The following TMC4 variants were observed in gnomAD, a reference collection of about 807,000 sequenced individuals.
TMC4 encodes voltage-gated chloride channel TMC4.
TMC4 carries 70 observed loss-of-function variants against 82.0 expected under a neutral mutation model. The ratio of observed to expected loss-of-function variants is 0.85; its 90% CI spans 0.70 to 1.04. The LOEUF (loss-of-function observed/expected upper bound fraction) is 1.04, where lower values mean the gene tolerates loss of function less well. Among genes scored for constraint, TMC4 ranks in the 50% least tolerant of loss-of-function variants. TMC4 has a pLI of 0.00. For synonymous variants in TMC4, 446 were observed against 406.0 expected (o/e 1.10, Z -1.18); for missense variants, 879 against 899.0 (o/e 0.98, Z 0.28).
intron 14 of TMC4, 35 bp from the exon 15 acceptor site, chr19:54,160,409 C>T (rs564275201): frequency 5.0e-5 from 79 of 1,585,612 alleles, no homozygotes; most frequent in Non-Finnish European, 6.7e-5. Context: ...AGACAATCCT[C>T]TTCCCCAACC....
At chr19:54,169,690 G>A in intron 2 of TMC4, 30 bp from the exon 3 acceptor site, 1 of 1,610,032 alleles carries the variant, frequency 6.2e-7, no homozygotes, top group East Asian at 2.2e-5. Context: ...AAAATGAGGG[G>A]TTTCGCAGCC....
rs1342607501 is a variant in TMC4, at chr19:54,172,192, C to G, written c.80-109G>C. On this transcript the variant is annotated intron_variant, in intron 1 of 14. Transcript: ENST00000619895. ...CCCCTCCTCCCTCAGACCCAGGAGT[C>G]CAGGCCCCCGGCTCCTCCTCCCTCA... 2.5e-5 allele frequency: 23 copies of G among 910,812 alleles called. No homozygotes were observed. In the African/African-American group the frequency reaches 3.5e-4, roughly 14 times the overall value. 56.4% of individuals were successfully genotyped at this position (910,812 alleles called of 1,614,324 possible).
At chr19:54,165,151 A>G (rs1600566241) in intron 6 of TMC4, among the ~76,000 whole-genome samples, 1 of 142,634 alleles carries the variant, frequency 7.0e-6, no homozygotes, top group African/African-American at 2.6e-5. Flanking sequence ...GAAGCGATCC[A>G]CCTGTCTCGG....
intron 1 of TMC4, 84 bp downstream of exon 1, chr19:54,172,955 C>T (rs1394188363): frequency 8.2e-6 from 10 of 1,222,948 alleles, no homozygotes; most frequent in South Asian, 1.4e-5. Flanking sequence ...ACTCAGGAGG[C>T]CAGGCCTCCC....
rs2075660861 is a variant in TMC4, at chr19:54,164,816, GC to G, written c.946-216del. On this transcript the variant is annotated intron_variant, in intron 6 of 14. Transcript: ENST00000619895. ...TTCGCGGCCGGATCCAGCAACCCAAGCCCCCATCCCTCCGCGGTCAATCTCA... is the reference window on the plus strand; with the variant it reads ...TTCGCGGCCGGATCCAGCAACCCAAGCCCCATCCCTCCGCGGTCAATCTCA... 2.1e-5 allele frequency: 13 copies of G among 623,968 alleles called. No homozygotes were observed. The East Asian group carries it at 3.7e-4, about 18-fold the overall frequency. The allele number at this position is 623,968 out of a possible 1,614,324, so 38.7% of individuals were successfully genotyped here.
chr19:54,161,127 T>C lies in TMC4; in HGVS notation c.1817+3A>G. 6.3e-7 allele frequency: 1 copy of C among 1,584,628 alleles called. No homozygotes were observed. The highest frequency in any genetic ancestry group is 8.6e-7 in the Non-Finnish European group (1 of 1,166,170). ...GAGAGAGGCGGGAGCCTCTCGCACTTACAGGAAGATGCTGTAAAGCAGGGG... is the reference window on the plus strand; with the variant it reads ...GAGAGAGGCGGGAGCCTCTCGCACTCACAGGAAGATGCTGTAAAGCAGGGG... On this transcript the variant is annotated splice_donor_region_variant and intron_variant, in intron 12 of 14. Coordinates refer to ENST00000619895, the MANE Select transcript of TMC4 (RefSeq NM_144686.4).
At chr19:54,172,427 G>C (rs7245906) in intron 1 of TMC4, among the ~76,000 whole-genome samples, 3,458 of 4,944 alleles carry the variant, frequency 0.7, 1,538 homozygotes, top group South Asian at 0.78. Flanking sequence ...GGCCCCCGGC[G>C]CCTCCTCCCT....
At position 54,168,559 on chromosome 19, in the gene TMC4, A is replaced by C; in HGVS notation, c.564T>G (p.Ala188=). 1 of 1,572,168 alleles carries C rather than the reference A, an allele frequency of 6.4e-7. No individual in the cohort carries two copies. The highest frequency in any genetic ancestry group is 8.6e-7 in the Non-Finnish European group (1 of 1,159,748). Reference sequence around the variant, plus strand: ...TGTCGGGGCCGGGAGGGCCTGGGGGAGCGCCTCCCAACCAGGTGGGCAGCA... The same window carrying C: ...TGTCGGGGCCGGGAGGGCCTGGGGGCGCGCCTCCCAACCAGGTGGGCAGCA... ...MTLLPTWLGG[A]PPGPPGPDIS... Residue 188 remains alanine, a synonymous_variant, in exon 4 of 15, where the codon GCT becomes GCG. Transcript: ENST00000619895.
intron 2 of TMC4, among the ~76,000 whole-genome samples, chr19:54,171,282 T>C (rs2075882575): frequency 1.3e-5 from 2 of 152,108 alleles, no homozygotes; most frequent in African/African-American, 2.4e-5. Flanking sequence ...CTAATGTTTG[T>C]ATTTTTAGTA....
At chr19:54,163,999 G>A in intron 7 of TMC4, 112 bp from the exon 8 acceptor site, 2 of 1,163,538 alleles carry the variant, frequency 1.7e-6, no homozygotes, top group Non-Finnish European at 2.3e-6. Flanking sequence ...TTTTGAGACA[G>A]AGTCTCGCTC....
At chr19:54,160,775 C>A (rs1233334251) in intron 13 of TMC4, 103 bp downstream of exon 13, 2 of 1,478,056 alleles carry the variant, frequency 1.4e-6, no homozygotes, top group African/African-American at 2.8e-5. Context: ...AGACTCAGTA[C>A]GTTGCCTGCT....
Position 54,163,086 on chromosome 19 carries a change from C to T in TMC4, c.1351G>A (p.Asp451Asn). Residue 451 changes from aspartate to asparagine, a missense_variant, in exon 9 of 15, where the codon GAC becomes AAC. Asp to Asn is a conservative substitution (Grantham distance 23, BLOSUM62 1). Transcript: ENST00000619895. ...GTTTTGCAGTCCTCAGCCTCGGAGT[C>T]GCCCCCACAAGTGATCTGATTCCAG... The part of the protein sequence containing the change: ...SLWNQITCGG[D>N]SEAEDCKTCG... The T allele has an allele frequency of 6.2e-7, 1 of 1,614,040 alleles. No homozygotes were observed. Among genetic ancestry groups the T allele is most frequent in the Non-Finnish European group, 8.5e-7 (1 of 1,180,018 alleles).
chr19:54,172,853 G>A, intron 1 of TMC4, 186 bp downstream of exon 1: 1 of 587,776 alleles, frequency 1.7e-6, no homozygotes, highest in East Asian at 3.0e-5. Context: ...TGGTTCTCCA[G>A]GCTCCTCCTC....
chr19:54,160,576 G>A (rs758384360), intron 13 of TMC4, 31 bp from the exon 14 acceptor site: 1 of 1,613,878 alleles, frequency 6.2e-7, no homozygotes, highest in South Asian at 1.1e-5. Flanking sequence ...AGCCACTCCT[G>A]ACACGCTCTT....
intron 3 of TMC4, among the ~76,000 whole-genome samples, chr19:54,169,181 G>C (rs1316752206): frequency 3.3e-5 from 5 of 150,070 alleles, no homozygotes; most frequent in Non-Finnish European, 5.9e-5. Flanking sequence ...TTACAGGCGT[G>C]CGCCACCATG....
At chr19:54,167,789 G>A (rs1033964494) in intron 5 of TMC4, among the ~76,000 whole-genome samples, 15 of 151,818 alleles carry the variant, frequency 9.9e-5, no homozygotes, top group African/African-American at 3.6e-4. Context: ...GGGGCCGGGC[G>A]CGGTGGCTCA....
chr19:54,168,779 CTTTCTTTTCTTTTCT>C (rs145368395), intron 3 of TMC4, 99 bp from the exon 4 acceptor site: 1 of 343,698 alleles, frequency 2.9e-6, no homozygotes, highest in Non-Finnish European at 4.7e-6. Flanking sequence ...TCCTTTCTTT[CTTTCTTTTCTTTTCT>C]TTCTTTTCTT....
chr19:54,163,308 CTTTTTT>C (rs35587690), intron 8 of TMC4, 149 bp from the exon 9 acceptor site: 3,653 of 588,186 alleles, frequency 6.2e-3, no homozygotes, highest in Middle Eastern at 8.5e-3. Flanking sequence ...TTCTTTCTTT[CTTTTTT>C]TTTTTTTTTT....
In TMC4 at chr19:54,168,966, T is replaced by TC. The variant is rs1491457928; in HGVS notation, c.443-287dup. Among the ~76,000 whole-genome samples, 82 of 15,140 alleles carry TC rather than the reference T, an allele frequency of 5.4e-3. 22 individuals are homozygous for TC. The highest frequency in any genetic ancestry group is 8.1e-3 in the Non-Finnish European group (64 of 7,890). 9.9% of individuals were successfully genotyped at this position (15,140 alleles called of 152,430 possible). On this transcript the variant is annotated intron_variant, in intron 3 of 14. Transcript: ENST00000619895. The stretch of plus-strand genomic sequence containing the variant: ...TTCCTTCCTTCCTTCCTTCCTTCCT[T>TC]CTTCTTTCTCTCTCTCTCTCTCTCT...
Sources: allele counts gnomAD v4.1 joint callset (sites outside exome capture counted in the v4.1 genomes callset), GRCh38; gene constraint gnomAD v4.1.1; transcripts MANE v1.5; gene names NCBI Gene and HGNC (gene_info 2026-07-23, HGNC 2026-07-21).